TMEM170A: variants seen among roughly 807,000 people sequenced by gnomAD.
TMEM170A encodes the protein transmembrane protein 170A.
Under a neutral mutation model 12.8 loss-of-function variants are expected in TMEM170A, and 18 were observed. That is an observed-to-expected ratio of 1.41 (90% CI 0.97 to 2.09). The LOEUF is 2.09. Ranked by LOEUF, TMEM170A falls within the 30% of genes most tolerant of loss-of-function variation. TMEM170A has a pLI of 0.00. For missense variants in TMEM170A, 220 were observed against 179.9 expected (o/e 1.22, Z -1.28); for synonymous variants, 107 against 76.2 (o/e 1.40, Z -2.11).
chr16:75,460,595 A>G (rs1409106445), intron 1 of TMEM170A, among the ~76,000 whole-genome samples: 2 of 152,122 alleles, frequency 1.3e-5, no homozygotes, highest in Non-Finnish European at 2.9e-5. Flanking sequence ...GGGCCTCCCC[A>G]TCACTTTACA....
intron 1 of TMEM170A, among the ~76,000 whole-genome samples, chr16:75,460,982 T>C (rs2079894166): frequency 2.0e-5 from 3 of 152,238 alleles, no homozygotes; most frequent in South Asian, 2.1e-4. Context: ...TTTCTTGGTT[T>C]TGAGGTTTGT....
intron 1 of TMEM170A, among the ~76,000 whole-genome samples, chr16:75,454,762 C>T (rs370526536): frequency 1.4e-4 from 22 of 152,316 alleles, no homozygotes; most frequent in African/African-American, 4.8e-4. Flanking sequence ...TGAGCAGTAA[C>T]GGTTGTCATG....
At chr16:75,447,940 G>T (rs76440585) in intron 2 of TMEM170A, among the ~76,000 whole-genome samples, 3,565 of 152,190 alleles carry the variant, frequency 0.023, 46 homozygotes, top group Admixed American at 0.034. Flanking sequence ...TAGATTTATT[G>T]AATAAAATAA....
rs2079554622 is a variant in TMEM170A at position 75,444,706 on chromosome 16, A to ATC, written c.*2850_*2851dup. 6.7e-6 allele frequency: 1 copy of ATC among 149,586 alleles called. No homozygotes were observed. The highest frequency in any genetic ancestry group is 1.5e-5 in the Non-Finnish European group (1 of 67,482). The allele number at this position is 149,586 out of a possible 1,614,324, so 9.3% of individuals were successfully genotyped here. On this transcript the variant is annotated 3_prime_UTR_variant, in exon 3 of 3. Coordinates refer to ENST00000561878, the MANE Select transcript of TMEM170A (RefSeq NM_145254.3). Reference sequence around the variant, plus strand: ...AGCTACACCGCTCAAGCTATTTAAAATCTATATATATATATAGATTTATTC... The same window carrying ATC: ...AGCTACACCGCTCAAGCTATTTAAAATCTCTATATATATATATAGATTTATTC...
chr16:75,461,219 A>T (rs1033081117), intron 1 of TMEM170A, among the ~76,000 whole-genome samples: 1 of 148,948 alleles, frequency 6.7e-6, no homozygotes, highest in African/African-American at 2.6e-5. Context: ...ACGCCCCGCA[A>T]ATTTTTGTAT....
Position 75,451,780 on chromosome 16 carries a change from C to T in TMEM170A, c.193G>A (p.Ala65Thr). The change falls in exon 2 of 3, where the codon GCT becomes ACT. Residue 65 changes from alanine (A) to threonine (T), a missense_variant. Ala to Thr is a moderately conservative substitution (Grantham distance 58). Transcript: ENST00000561878. ...AGGGTGAAGAGGGCCAGTAATCCAG[C>T]AGGGACATGAAAGAAGAGAGAAGAC... Reference protein sequence around the residue: ...LVSSLFFHVPAGLLALFTLRH... With the variant: ...LVSSLFFHVPTGLLALFTLRH... 6.2e-7 allele frequency: 1 copy of T among 1,614,014 alleles called. No homozygotes were observed. The highest frequency in any genetic ancestry group is 8.5e-7 in the Non-Finnish European group (1 of 1,180,002).
At position 75,464,627 on chromosome 16, in the gene TMEM170A, G is replaced by A. The variant is rs201962815; in HGVS notation, c.-27C>T. The A allele has an allele frequency of 7.6e-4, 1,185 of 1,562,724 alleles. 12 individuals are homozygous for A. In the South Asian group the frequency reaches 0.011, roughly 14 times the overall value. ...CCGTCGCCATTCACCACAGAGAAAT[G>A]AGGGACGAGCGCCCGAAGTGCGGTA... On this transcript the variant is annotated 5_prime_UTR_variant, in exon 1 of 3. Transcript: ENST00000561878.
rs1329041963 is a variant in TMEM170A at position 75,444,845 on chromosome 16, C to T, written c.*2713G>A. The stretch of plus-strand genomic sequence containing the variant: ...TAACCAAAATATATCAAACAAGAAA[C>T]AGAAACAAATACACCTTTCAAAATG... On this transcript the variant is annotated 3_prime_UTR_variant, in exon 3 of 3. Transcript: ENST00000561878. The T allele has an allele frequency of 6.6e-6, 1 of 152,028 alleles. No individual in the cohort carries two copies. The highest frequency in any genetic ancestry group is 1.5e-5 in the Non-Finnish European group (1 of 67,988). 9.4% of individuals were successfully genotyped at this position (152,028 alleles called of 1,614,324 possible).
At chr16:75,449,306 A>G (rs943762466) in intron 2 of TMEM170A, among the ~76,000 whole-genome samples, 1 of 150,912 alleles carries the variant, frequency 6.6e-6, no homozygotes. Context: ...GCAAAATAAC[A>G]TACAGTGTCT....
chr16:75,448,720 C>T (rs1463067398), intron 2 of TMEM170A, among the ~76,000 whole-genome samples: 7 of 151,276 alleles, frequency 4.6e-5, no homozygotes, highest in South Asian at 2.1e-4. Flanking sequence ...GCTCACATCG[C>T]GACACTGCAC....
At chr16:75,461,355 A>G (rs747975862) in intron 1 of TMEM170A, among the ~76,000 whole-genome samples, 6 of 152,210 alleles carry the variant, frequency 3.9e-5, no homozygotes, top group Admixed American at 3.9e-4. Context: ...CAACCGGCCA[A>G]TTTAGTCATT....
chr16:75,457,871 C>G (rs1161254740), intron 1 of TMEM170A, among the ~76,000 whole-genome samples: 1 of 152,154 alleles, frequency 6.6e-6, no homozygotes, highest in East Asian at 1.9e-4. Context: ...TATAGCATCA[C>G]TAAAGTCATT....
intron 1 of TMEM170A, among the ~76,000 whole-genome samples, chr16:75,453,084 G>A (rs138092610): frequency 2.8e-3 from 422 of 151,566 alleles, no homozygotes; most frequent in African/African-American, 8.7e-3. Context: ...ACCAATCTCT[G>A]TACCCTCAAA....
At position 75,446,183 on chromosome 16, in the gene TMEM170A, GAAA is replaced by G. The variant is rs5817946; in HGVS notation, c.*1372_*1374del. The G allele has an allele frequency of 1.6e-4, 23 of 140,700 alleles. No individual in the cohort carries two copies. Among genetic ancestry groups the G allele is most frequent in the South Asian group, 4.4e-4 (2 of 4,498 alleles). The allele number at this position is 140,700 out of a possible 1,614,324, so 8.7% of individuals were successfully genotyped here. On this transcript the variant is annotated 3_prime_UTR_variant, in exon 3 of 3. Coordinates refer to ENST00000561878, the MANE Select transcript of TMEM170A (RefSeq NM_145254.3). ...CAGTGAGGCTCCGTCTCATTTAAAA[GAAA>G]AAAAAAAAAAAAAGTCAGATTTAAT...
intron 1 of TMEM170A, among the ~76,000 whole-genome samples, chr16:75,463,049 T>TATAGAGAGAGAAAGAGAGC (rs2151653587): frequency 6.6e-6 from 1 of 151,812 alleles, no homozygotes; most frequent in East Asian, 1.9e-4. Flanking sequence ...GTTATATATA[T>TATAGAGAGAGAAAGAGAGC]AGAGAGAGAG....
In TMEM170A at chr16:75,464,657, C is replaced by G; in HGVS notation, c.-57G>C. On this transcript the variant is annotated 5_prime_UTR_variant, in exon 1 of 3. Coordinates refer to ENST00000561878, the MANE Select transcript of TMEM170A (RefSeq NM_145254.3). ...ACGAGCGCCCGAAGTGCGGTAGCGG[C>G]CGGCGCCGACTCACCCTCGCCGCCT... The G allele has an allele frequency of 6.5e-7, 1 of 1,534,924 alleles. No individual in the cohort carries two copies. Among genetic ancestry groups the G allele is most frequent in the Non-Finnish European group, 8.7e-7 (1 of 1,148,550 alleles).
rs2079562513 is a variant in TMEM170A at position 75,445,170 on chromosome 16, A to G, written c.*2388T>C. The G allele has an allele frequency of 6.6e-6, 1 of 152,252 alleles. No homozygotes were observed. The highest frequency in any genetic ancestry group is 2.4e-5 in the African/African-American group (1 of 41,466). The allele number at this position is 152,252 out of a possible 1,614,324, so 9.4% of individuals were successfully genotyped here. A position where few individuals can be genotyped will look rare whatever the true frequency, so the allele number is the denominator to read the frequency against. ...ATCACAGCTCTTTAAACAAAAAACTAGAATTTTTACAATTTGCCTGTGAGA... is the reference window on the plus strand; with the variant it reads ...ATCACAGCTCTTTAAACAAAAAACTGGAATTTTTACAATTTGCCTGTGAGA... On this transcript the variant is annotated 3_prime_UTR_variant, in exon 3 of 3. Coordinates refer to ENST00000561878, the MANE Select transcript of TMEM170A (RefSeq NM_145254.3).
intron 1 of TMEM170A, among the ~76,000 whole-genome samples, chr16:75,455,821 A>G (rs916190158): frequency 1.3e-5 from 2 of 152,222 alleles, no homozygotes; most frequent in African/African-American, 4.8e-5. Context: ...TGTTTTCACA[A>G]GAACTGCTCA....
intron 1 of TMEM170A, among the ~76,000 whole-genome samples, chr16:75,453,145 C>T (rs946081319): frequency 6.6e-6 from 1 of 152,082 alleles, no homozygotes; most frequent in African/African-American, 2.4e-5. Context: ...ATAATGTCCC[C>T]GACCATAACT....
Sources: allele counts gnomAD v4.1 joint callset (sites outside exome capture counted in the v4.1 genomes callset), GRCh38; gene constraint gnomAD v4.1.1; transcripts MANE v1.5; gene names NCBI Gene and HGNC (gene_info 2026-07-23, HGNC 2026-07-21).